CXCL13: variants seen among roughly 807,000 people sequenced by gnomAD.
CXCL13 encodes C-X-C motif chemokine 13.
Under a neutral mutation model 12.2 loss-of-function variants are expected in CXCL13, and 7 were observed. The observed-to-expected ratio is 0.57, with a 90% confidence interval of 0.33 to 1.07. CXCL13 has a LOEUF of 1.07. Ranked by LOEUF, CXCL13 falls within the 50% of genes least tolerant of loss-of-function variation. CXCL13 has a pLI of 0.04. For synonymous variants in CXCL13, 47 were observed against 42.4 expected (o/e 1.11, Z -0.42); for missense variants, 113 against 127.4 (o/e 0.89, Z 0.55).
At chr4:77,571,271 C>T (rs1186305426) in intron 1 of CXCL13, among the ~76,000 whole-genome samples, 1 of 151,786 alleles carries the variant, frequency 6.6e-6, no homozygotes, top group Non-Finnish European at 1.5e-5. Flanking sequence ...CATGGAGAGT[C>T]TTTATGTCTA....
intron 1 of CXCL13, among the ~76,000 whole-genome samples, chr4:77,525,849 G>T (rs567853210): frequency 6.6e-6 from 1 of 151,830 alleles, no homozygotes; most frequent in Non-Finnish European, 1.5e-5. Context: ...CAATTCAGCA[G>T]ATGGGTGGGG....
Position 77,542,025 on chromosome 4 carries a change from A to G in CXCL13, c.-43+30237A>G, listed in dbSNP as rs546692789. 2.0e-5 allele frequency among the ~76,000 whole-genome samples: 3 copies of G among 152,222 alleles called. No homozygotes were observed. In the East Asian group the frequency reaches 5.8e-4, roughly 29 times the overall value. On this transcript the variant is annotated intron_variant, in intron 1 of 4. Coordinates refer to the CXCL13 transcript ENST00000286758. ...TTCTCAGCTTGAATACTATTTGTGTATAGAAATGCCACAGATTTCTGTATA... is the reference window on the plus strand; with the variant it reads ...TTCTCAGCTTGAATACTATTTGTGTGTAGAAATGCCACAGATTTCTGTATA...
intron 1 of CXCL13, among the ~76,000 whole-genome samples, chr4:77,588,800 A>G (rs1726541868): frequency 2.0e-5 from 3 of 152,132 alleles, no homozygotes; most frequent in South Asian, 2.1e-4. Flanking sequence ...GCATAGATAA[A>G]CGAGAACAAA....
chr4:77,546,831 T>C (rs1725379537), intron 1 of CXCL13, among the ~76,000 whole-genome samples: 1 of 152,198 alleles, frequency 6.6e-6, no homozygotes, highest in Admixed American at 6.5e-5. Flanking sequence ...ATTGTGATGT[T>C]AGGGTGTTGA....
chr4:77,535,208 T>C lies in CXCL13; in HGVS notation c.-43+23420T>C, dbSNP rs1456868826. ...AAACTGGGGGAAGAACTGGGGGCCTTTAGGAACTCTGTTTTGCATTCAATA... is the reference window on the plus strand; with the variant it reads ...AAACTGGGGGAAGAACTGGGGGCCTCTAGGAACTCTGTTTTGCATTCAATA... On this transcript the variant is annotated intron_variant, in intron 1 of 4. Transcript: ENST00000286758. Among the ~76,000 whole-genome samples, 3 of 152,356 alleles carry C rather than the reference T, an allele frequency of 2.0e-5. No homozygotes were observed. In the East Asian group the frequency reaches 5.8e-4, roughly 29 times the overall value.
chr4:77,543,404 G>C (rs944819047), intron 1 of CXCL13, among the ~76,000 whole-genome samples: 2 of 152,010 alleles, frequency 1.3e-5, no homozygotes, highest in East Asian at 3.9e-4. Context: ...TAGCTTTGGG[G>C]TTAGCTCATT....
chr4:77,563,984 T>C (rs1039407082), intron 1 of CXCL13, among the ~76,000 whole-genome samples: 3 of 152,330 alleles, frequency 2.0e-5, no homozygotes, highest in Admixed American at 6.5e-5. Context: ...TTCGAGGGCA[T>C]GTGACAGACG....
intron 1 of CXCL13, among the ~76,000 whole-genome samples, chr4:77,533,099 G>A (rs1466770973): frequency 6.6e-6 from 1 of 152,196 alleles, no homozygotes; most frequent in Non-Finnish European, 1.5e-5. Flanking sequence ...TCCTTTGGAG[G>A]AGGAGAGGTG....
chr4:77,519,521 G>A (rs1014916048), intron 1 of CXCL13, among the ~76,000 whole-genome samples: 2 of 152,130 alleles, frequency 1.3e-5, no homozygotes, highest in Non-Finnish European at 2.9e-5. Flanking sequence ...GTCCTCTTTT[G>A]AGAAGTGTCT....
At chr4:77,553,360 T>A (rs1479956580) in intron 1 of CXCL13, among the ~76,000 whole-genome samples, 1 of 152,242 alleles carries the variant, frequency 6.6e-6, no homozygotes, top group African/African-American at 2.4e-5. Flanking sequence ...GCTGCTGGGT[T>A]GCCAAAGAAT....
At chr4:77,601,734 T>C (rs991932813), upstream of CXCL13, among the ~76,000 whole-genome samples, 1 of 152,268 alleles carries the variant, frequency 6.6e-6, no homozygotes, top group Non-Finnish European at 1.5e-5. Flanking sequence ...TAACAGTTAT[T>C]GAAGTGTTTG....
chr4:77,593,411 C>A (rs754863611), intron 1 of CXCL13, among the ~76,000 whole-genome samples: 2 of 152,304 alleles, frequency 1.3e-5, no homozygotes, highest in East Asian at 1.9e-4. Flanking sequence ...GTTCGAGAGT[C>A]GTCACTGGTG....
chr4:77,515,847 G>T (rs1724402599), intron 1 of CXCL13, among the ~76,000 whole-genome samples: 1 of 152,162 alleles, frequency 6.6e-6, no homozygotes, highest in Admixed American at 6.6e-5. Flanking sequence ...ACACTATGTT[G>T]AATGGGAGTG....
At chr4:77,578,428 G>A (rs1291280463) in intron 1 of CXCL13, among the ~76,000 whole-genome samples, 1 of 152,286 alleles carries the variant, frequency 6.6e-6, no homozygotes, top group African/African-American at 2.4e-5. Context: ...TGTTCTAATA[G>A]CAGTTAAGTG....
At position 77,522,514 on chromosome 4, in the gene CXCL13, C is replaced by CTTTTTTTTTTTTTTTT. The variant is rs777857811; in HGVS notation, c.-43+10741_-43+10756dup. ...TCAGAGACTAGGACTGCAACCCCTG[C>CTTTTTTTTTTTTTTTT]TTTTTTTTTTTTTTTTTTTTTTTTT... On this transcript the variant is annotated intron_variant, in intron 1 of 4. Transcript: ENST00000286758. Among the ~76,000 whole-genome samples the CTTTTTTTTTTTTTTTT allele has an allele frequency of 4.0e-4, 4 of 10,090 alleles. 1 individual carries two copies. The highest frequency in any genetic ancestry group is 1.2e-3 in the African/African-American group (3 of 2,558). The allele number at this position is 10,090 out of a possible 152,430, so 6.6% of individuals were successfully genotyped here.
chr4:77,512,742 C>A (rs1724306245), intron 1 of CXCL13, among the ~76,000 whole-genome samples: 1 of 152,194 alleles, frequency 6.6e-6, no homozygotes, highest in East Asian at 1.9e-4. Flanking sequence ...TGGAAGGACA[C>A]AATTTAACCC....
At chr4:77,610,489 A>G in intron 2 of CXCL13, 125 bp from the exon 3 acceptor site, 1 of 731,136 alleles carries the variant, frequency 1.4e-6, no homozygotes, top group Non-Finnish European at 2.3e-6. Context: ...CAGATCCCAA[A>G]CTGCCCAGCT....
At chr4:77,582,839 G>T (rs1726371795) in intron 1 of CXCL13, among the ~76,000 whole-genome samples, 1 of 152,204 alleles carries the variant, frequency 6.6e-6, no homozygotes, top group African/African-American at 2.4e-5. Context: ...GTTGGTGGTT[G>T]TTACCAGATT....
intron 1 of CXCL13, among the ~76,000 whole-genome samples, chr4:77,548,803 A>T (rs181715667): frequency 6.6e-6 from 1 of 152,070 alleles, no homozygotes; most frequent in East Asian, 1.9e-4. Context: ...GAATCTGACA[A>T]TTATGTGTCT....
Sources: gnomAD v4.1 joint callset for allele counts (sites outside exome capture counted in the v4.1 genomes callset) on GRCh38, gnomAD v4.1.1 for gene constraint, MANE v1.5 for transcripts, NCBI Gene and HGNC (gene_info 2026-07-23, HGNC 2026-07-21) for gene names.